Variants in SCAPER observed in about 807,000 individuals in gnomAD.
SCAPER encodes the protein S phase cyclin A-associated protein in the endoplasmic reticulum.
In SCAPER, 98 loss-of-function variants were observed where a neutral mutation model predicts 182.2. That is an observed-to-expected ratio of 0.54 (90% CI 0.46 to 0.64). The LOEUF (loss-of-function observed/expected upper bound fraction) is 0.64, where lower values mean the gene tolerates loss of function less well. Ranked by LOEUF, SCAPER falls within the 30% of genes least tolerant of loss-of-function variation. The pLI is 0.00. For synonymous variants in SCAPER, 605 were observed against 564.6 expected (o/e 1.07, Z -1.01); for missense variants, 1,432 against 1,690.0 (o/e 0.85, Z 2.68).
chr15:76,669,693 C>T (rs2056875643), intron 20 of SCAPER, among the ~76,000 whole-genome samples: 1 of 152,138 alleles, frequency 6.6e-6, no homozygotes, highest in South Asian at 2.1e-4. Context: ...GGTATAATGC[C>T]CATGGTCACA....
chr15:76,444,031 G>T (rs566427983), intron 25 of SCAPER, among the ~76,000 whole-genome samples: 1 of 152,320 alleles, frequency 6.6e-6, no homozygotes, highest in African/African-American at 2.4e-5. Context: ...CATTATGAGT[G>T]CGTTTTGAGA....
At chr15:76,442,315 T>C (rs2142705071) in intron 25 of SCAPER, among the ~76,000 whole-genome samples, 1 of 152,350 alleles carries the variant, frequency 6.6e-6, no homozygotes, top group Admixed American at 6.5e-5. Flanking sequence ...GCACTCATTA[T>C]ACTACATTTT....
chr15:76,608,012 C>G (rs2050608817), intron 22 of SCAPER, among the ~76,000 whole-genome samples: 1 of 152,198 alleles, frequency 6.6e-6, no homozygotes, highest in Admixed American at 6.5e-5. Flanking sequence ...CTTCTTCTCT[C>G]AACTCGTCAA....
chr15:76,622,785 T>C (rs1351833199), intron 21 of SCAPER, among the ~76,000 whole-genome samples: 1 of 152,154 alleles, frequency 6.6e-6, no homozygotes, highest in Non-Finnish European at 1.5e-5. Context: ...ATCACAAGTA[T>C]CTAAAAATTC....
intron 5 of SCAPER, among the ~76,000 whole-genome samples, chr15:76,836,035 A>C (rs1462035465): frequency 6.6e-6 from 1 of 152,084 alleles, no homozygotes; most frequent in African/African-American, 2.4e-5. Flanking sequence ...ATCAGAGATG[A>C]CACAAACAAA....
At chr15:76,855,939 T>G in intron 4 of SCAPER, 1 of 351,276 alleles carries the variant, frequency 2.8e-6, no homozygotes, top group South Asian at 2.2e-5. Flanking sequence ...CAGAGGAATA[T>G]AAATCATTCT....
chr15:76,654,766 T>C (rs941933627), intron 21 of SCAPER, among the ~76,000 whole-genome samples: 1 of 152,228 alleles, frequency 6.6e-6, no homozygotes, highest in Non-Finnish European at 1.5e-5. Flanking sequence ...CACCAGGTCC[T>C]ACCAAGGTGG....
At chr15:76,893,577 C>T (rs1326568333) in intron 1 of SCAPER, among the ~76,000 whole-genome samples, 2 of 151,774 alleles carry the variant, frequency 1.3e-5, no homozygotes, top group Non-Finnish European at 2.9e-5. Flanking sequence ...ATGGACCTAA[C>T]AGACATATGC....
intron 21 of SCAPER, among the ~76,000 whole-genome samples, chr15:76,639,818 C>T (rs575166728): frequency 1.3e-5 from 2 of 151,708 alleles, no homozygotes; most frequent in African/African-American, 4.8e-5. Context: ...TTGTGTTAAA[C>T]CACCATATAT....
intron 21 of SCAPER, among the ~76,000 whole-genome samples, chr15:76,656,649 T>C (rs2055661707): frequency 6.6e-6 from 1 of 152,062 alleles, no homozygotes; most frequent in South Asian, 2.1e-4. Context: ...CAGTGAGCCA[T>C]AAAACAATTC....
intron 23 of SCAPER, among the ~76,000 whole-genome samples, chr15:76,542,567 A>G (rs2044862002): frequency 6.6e-6 from 1 of 150,610 alleles, no homozygotes; most frequent in Admixed American, 6.6e-5. Context: ...ATAAAATAAA[A>G]TAAAATAAAA....
At chr15:76,392,355 A>G (rs1300824965) in intron 27 of SCAPER, among the ~76,000 whole-genome samples, 8 of 152,236 alleles carry the variant, frequency 5.3e-5, no homozygotes, top group Non-Finnish European at 1.0e-4. Context: ...GACAGATGTT[A>G]GCCCCCATTT....
intron 21 of SCAPER, among the ~76,000 whole-genome samples, chr15:76,652,371 C>CAT (rs56164668): frequency 3.4e-3 from 27 of 8,034 alleles, no homozygotes; most frequent in South Asian, 7.7e-3. Context: ...CACACACACA[C>CAT]ATATATATAT....
At chr15:76,537,708 A>G (rs1014249546) in intron 23 of SCAPER, among the ~76,000 whole-genome samples, 1 of 152,120 alleles carries the variant, frequency 6.6e-6, no homozygotes, top group South Asian at 2.1e-4. Flanking sequence ...GAAAGCCAAA[A>G]TTGACAAATG....
At chr15:76,485,503 T>C (rs554873096) in intron 24 of SCAPER, among the ~76,000 whole-genome samples, 64 of 152,286 alleles carry the variant, frequency 4.2e-4, no homozygotes, top group African/African-American at 1.3e-3. Flanking sequence ...TAAATTACCA[T>C]TGGCATTCTT....
At chr15:76,866,543 T>C (rs2072315699) in intron 2 of SCAPER, among the ~76,000 whole-genome samples, 1 of 152,194 alleles carries the variant, frequency 6.6e-6, no homozygotes, top group African/African-American at 2.4e-5. Context: ...ATTTTATTCT[T>C]AATTCCAATA....
chr15:76,877,785 A>G (rs1439464639), intron 2 of SCAPER, among the ~76,000 whole-genome samples: 1 of 152,228 alleles, frequency 6.6e-6, no homozygotes, highest in Non-Finnish European at 1.5e-5. Context: ...GAGACCAAAC[A>G]GACCTGGCAA....
At chr15:76,798,695 A>C (rs879327766) in intron 7 of SCAPER, among the ~76,000 whole-genome samples, 2 of 152,232 alleles carry the variant, frequency 1.3e-5, no homozygotes, top group Non-Finnish European at 2.9e-5. Flanking sequence ...AGGATCCTCA[A>C]TAACAGCTGA....
intron 23 of SCAPER, among the ~76,000 whole-genome samples, chr15:76,560,234 A>C (rs971521766): frequency 6.6e-6 from 1 of 152,194 alleles, no homozygotes; most frequent in Non-Finnish European, 1.5e-5. Context: ...CTTGTGAAGG[A>C]GGTTGAAGGG....
Sources: allele counts gnomAD v4.1 joint callset (sites outside exome capture counted in the v4.1 genomes callset), GRCh38; gene constraint gnomAD v4.1.1; transcripts MANE v1.5; gene names NCBI Gene and HGNC (gene_info 2026-07-23, HGNC 2026-07-21).